Variants in BRINP2 observed in about 807,000 individuals in gnomAD.
BRINP2 encodes the protein BMP/retinoic acid-inducible neural-specific protein 2.
BRINP2 carries 21 observed loss-of-function variants against 69.2 expected under a neutral mutation model. The ratio of observed to expected loss-of-function variants is 0.30; its 90% CI spans 0.22 to 0.44. The LOEUF is 0.44. Among genes scored for constraint, BRINP2 ranks in the 20% least tolerant of loss-of-function variants. The pLI is 1.00. For synonymous variants in BRINP2, 380 were observed against 394.1 expected (o/e 0.96, Z 0.42); for missense variants, 877 against 986.0 (o/e 0.89, Z 1.48).
At chr1:177,273,784 T>C (rs1414753606) in intron 5 of BRINP2, among the ~76,000 whole-genome samples, 191 bp downstream of exon 5, 1 of 152,230 alleles carries the variant, frequency 6.6e-6, no homozygotes, top group African/African-American at 2.4e-5. Context: ...TCTGGTATGG[T>C]TTGTCCTATA....
chr1:177,207,756 C>T (rs995571491), intron 1 of BRINP2, among the ~76,000 whole-genome samples: 4 of 152,038 alleles, frequency 2.6e-5, no homozygotes, highest in African/African-American at 9.7e-5. Context: ...TGGTTGCTTC[C>T]CTTTCCCTGC....
intron 1 of BRINP2, among the ~76,000 whole-genome samples, chr1:177,189,394 C>A (rs375903857): frequency 0.46 from 774 of 1,698 alleles, 9 homozygotes; most frequent in Middle Eastern, 0.5. Context: ...CAGGACAGTC[C>A]TGCCTCTGCC....
chr1:177,254,573 C>A (rs550977115), intron 2 of BRINP2, among the ~76,000 whole-genome samples: 97 of 152,064 alleles, frequency 6.4e-4, no homozygotes, highest in African/African-American at 2.2e-3. Context: ...AGGAAAAATA[C>A]TTTTGTGGTT....
At chr1:177,198,422 C>T (rs1342192160) in intron 1 of BRINP2, among the ~76,000 whole-genome samples, 4 of 152,130 alleles carry the variant, frequency 2.6e-5, no homozygotes, top group South Asian at 2.1e-4. Context: ...GCAAATTCAA[C>T]GATGATTGTA....
intron 7 of BRINP2, among the ~76,000 whole-genome samples, chr1:177,279,229 A>G (rs1213586427): frequency 2.0e-5 from 3 of 152,238 alleles, no homozygotes; most frequent in Non-Finnish European, 4.4e-5. Context: ...GGGCTGTATC[A>G]TTACAAGTAT....
intron 2 of BRINP2, among the ~76,000 whole-genome samples, chr1:177,238,398 G>C (rs953980800): frequency 1.3e-5 from 2 of 152,246 alleles, no homozygotes; most frequent in African/African-American, 4.8e-5. Flanking sequence ...ACTAAAGTCA[G>C]CTGGGTTTGT....
chr1:177,278,836 C>A, intron 7 of BRINP2, 51 bp downstream of exon 7: 2 of 1,562,770 alleles, frequency 1.3e-6, no homozygotes, highest in Non-Finnish European at 8.8e-7. Context: ...CCCCTGACAG[C>A]TGCTGAGGCC....
intron 1 of BRINP2, among the ~76,000 whole-genome samples, chr1:177,214,261 C>T (rs1352877718): frequency 6.6e-6 from 1 of 152,080 alleles, no homozygotes; most frequent in Non-Finnish European, 1.5e-5. Context: ...GTGAAACCCC[C>T]ATCTCTGCTA....
intron 2 of BRINP2, among the ~76,000 whole-genome samples, chr1:177,236,100 G>C (rs1020971138): frequency 1.1e-4 from 17 of 152,212 alleles, no homozygotes; most frequent in Non-Finnish European, 4.4e-5. Flanking sequence ...CCACAGGGGT[G>C]AGAAGGTAGG....
chr1:177,216,556 C>A (rs1224363601), intron 1 of BRINP2, among the ~76,000 whole-genome samples: 1 of 152,102 alleles, frequency 6.6e-6, no homozygotes, highest in Non-Finnish European at 1.5e-5. Flanking sequence ...GGCTATTCCA[C>A]ATTTTGCTAC....
intron 1 of BRINP2, among the ~76,000 whole-genome samples, chr1:177,178,885 T>A (rs1648166505): frequency 2.0e-5 from 3 of 152,190 alleles, no homozygotes; most frequent in African/African-American, 7.2e-5. Context: ...ATCATGATAA[T>A]CATGGTTATT....
chr1:177,279,555 C>T (rs1651625107), intron 7 of BRINP2, among the ~76,000 whole-genome samples: 1 of 152,186 alleles, frequency 6.6e-6, no homozygotes, highest in African/African-American at 2.4e-5. Context: ...GGCAAAGGAG[C>T]TGCCTTCACG....
At chr1:177,175,116 TTA>T (rs1477298963) in intron 1 of BRINP2, among the ~76,000 whole-genome samples, 13 of 152,354 alleles carry the variant, frequency 8.5e-5, no homozygotes, top group African/African-American at 3.1e-4. Flanking sequence ...TGGGGTTTTC[TTA>T]GAGCTGGCAA....
chr1:177,214,419 C>T (rs963681173), intron 1 of BRINP2, among the ~76,000 whole-genome samples: 1 of 151,992 alleles, frequency 6.6e-6, no homozygotes, highest in African/African-American at 2.4e-5. Context: ...AGCATAAGAG[C>T]GAAATTCCAT....
intron 1 of BRINP2, among the ~76,000 whole-genome samples, chr1:177,172,064 G>A (rs554173655): frequency 2.2e-4 from 34 of 152,314 alleles, no homozygotes; most frequent in Admixed American, 2.1e-3. Context: ...AATTCAATAG[G>A]GCTGCATAAT....
At chr1:177,210,858 G>T (rs1367491801) in intron 1 of BRINP2, among the ~76,000 whole-genome samples, 1 of 151,032 alleles carries the variant, frequency 6.6e-6, no homozygotes, top group Non-Finnish European at 1.5e-5. Flanking sequence ...AAAAAACTCA[G>T]TCATAATTTT....
chr1:177,254,691 C>CAA (rs34104005), intron 2 of BRINP2, among the ~76,000 whole-genome samples: 2 of 144,004 alleles, frequency 1.4e-5, no homozygotes, highest in African/African-American at 5.0e-5. Flanking sequence ...AGGTGTTTCT[C>CAA]AAAAAAAAAA....
chr1:177,262,850 A>G (rs939310943), intron 4 of BRINP2, among the ~76,000 whole-genome samples: 1 of 151,978 alleles, frequency 6.6e-6, no homozygotes, highest in African/African-American at 2.4e-5. Flanking sequence ...TTGGCTAGAT[A>G]AACACAGTAG....
chr1:177,191,757 G>A (rs1033269574), intron 1 of BRINP2, among the ~76,000 whole-genome samples: 1 of 152,124 alleles, frequency 6.6e-6, no homozygotes. Context: ...CCCAGCTCTG[G>A]CAGTCCCTTT....
Sources: gnomAD v4.1 joint callset for allele counts (sites outside exome capture counted in the v4.1 genomes callset) on GRCh38, gnomAD v4.1.1 for gene constraint, MANE v1.5 for transcripts, NCBI Gene and HGNC (gene_info 2026-07-23, HGNC 2026-07-21) for gene names.